Variants in ZNF404 observed in about 807,000 individuals in gnomAD.
ZNF404 encodes the protein zinc finger protein 404.
A neutral mutation model predicts 7.3 loss-of-function variants in ZNF404; 7 were observed. That is an observed-to-expected ratio of 0.95 (90% CI 0.54 to 1.79). ZNF404 has a LOEUF of 1.79. Ranked by LOEUF, ZNF404 falls within the 40% of genes most tolerant of loss-of-function variation. ZNF404 has a pLI of 0.00. For missense variants in ZNF404, 560 were observed against 661.5 expected (o/e 0.85, Z 1.68); for synonymous variants, 191 against 209.9 (o/e 0.91, Z 0.78).
chr19:43,875,387 C>T (rs1294869773), intron 2 of ZNF404, among the ~76,000 whole-genome samples: 2 of 152,068 alleles, frequency 1.3e-5, no homozygotes, highest in African/African-American at 2.4e-5. Flanking sequence ...TTCTTCAATG[C>T]CTTTCCCAAA....
chr19:43,882,275 A>C (rs1232646851), intron 1 of ZNF404, among the ~76,000 whole-genome samples: 1 of 152,238 alleles, frequency 6.6e-6, no homozygotes, highest in African/African-American at 2.4e-5. Context: ...TTTTAAAAAA[A>C]TGGTGTAGGA....
At chr19:43,876,268 T>G (rs1971849698) in intron 2 of ZNF404, among the ~76,000 whole-genome samples, 1 of 152,082 alleles carries the variant, frequency 6.6e-6, no homozygotes, top group South Asian at 2.1e-4. Flanking sequence ...GAGCTGAGAT[T>G]GCGCCACTGT....
At chr19:43,874,421 A>T (rs2146617652) in intron 2 of ZNF404, among the ~76,000 whole-genome samples, 1 of 150,484 alleles carries the variant, frequency 6.6e-6, no homozygotes, top group African/African-American at 2.4e-5. Context: ...TATGTCCTGA[A>T]TATCTCTATT....
chr19:43,880,218 A>G, intron 1 of ZNF404, 82 bp from the exon 2 acceptor site: 1 of 1,251,418 alleles, frequency 8.0e-7, no homozygotes, highest in South Asian at 1.4e-5. Context: ...TAAAGGGGCA[A>G]TATGTAAAAA....
At position 43,872,680 on chromosome 19, in the gene ZNF404, G is replaced by A. The variant is rs985503176; in HGVS notation, c.1534C>T (p.Gln512Ter). The change falls in exon 3 of 3, where the codon CAA (glutamine) becomes TAA (stop). Residue 512 changes from glutamine to a stop codon, truncating the protein, a stop_gained. Transcript: ENST00000587539. LOFTEE classifies it low-confidence loss of function (END_TRUNC). This position sits in a 1 kb window ranked among gnomAD's most constrained non-coding sequence, Gnocchi z 4.4. The part of the protein sequence containing the change: ...KAFNRSDRLT[Q>*]HETIHTGVKP... Reference sequence around the variant, plus strand: ...ACACCAGTATGAATTGTCTCATGTTGAGTAAGTCGATCACTGCGATTAAAG... The same window carrying A: ...ACACCAGTATGAATTGTCTCATGTTAAGTAAGTCGATCACTGCGATTAAAG... The A allele has an allele frequency of 1.9e-6, 3 of 1,613,234 alleles. No individual in the cohort carries two copies. Among genetic ancestry groups the A allele is most frequent in the African/African-American group, 2.7e-5 (2 of 75,010 alleles).
chr19:43,873,206 A>G lies in ZNF404; in HGVS notation c.1008T>C (p.Phe336=), dbSNP rs925044021. ...GTTTAAGAAGGCTTGAGCCCTTACCAAAAGCCTTTCCACATTCCATGCATT... is the reference window on the plus strand; with the variant it reads ...GTTTAAGAAGGCTTGAGCCCTTACCGAAAGCCTTTCCACATTCCATGCATT... ...PHECMECGKA[F]GKGSSLLKHK... Residue 336 remains phenylalanine, a synonymous_variant, in exon 3 of 3, where the codon TTT becomes TTC. Coordinates refer to ENST00000587539, the MANE Select transcript of ZNF404 (RefSeq NM_001033719.3). 3 of 1,612,440 alleles carry G rather than the reference A, an allele frequency of 1.9e-6. No homozygotes were observed. The African/African-American group carries it at 4.0e-5, about 22-fold the overall frequency.
At chr19:43,878,982 T>A (rs972047669) in intron 2 of ZNF404, among the ~76,000 whole-genome samples, 1 of 152,062 alleles carries the variant, frequency 6.6e-6, no homozygotes, top group African/African-American at 2.4e-5. Flanking sequence ...CAGCATACAA[T>A]CACAACTACT....
At chr19:43,876,644 C>A (rs1599746389) in intron 2 of ZNF404, among the ~76,000 whole-genome samples, 1 of 152,066 alleles carries the variant, frequency 6.6e-6, no homozygotes, top group African/African-American at 2.4e-5. Context: ...TACTGGCTGG[C>A]TTCTAGCAAA....
At chr19:43,881,673 G>C (rs1472235978) in intron 1 of ZNF404, 2 of 152,158 alleles carry the variant, frequency 1.3e-5, no homozygotes, top group Non-Finnish European at 2.9e-5. Flanking sequence ...AATCCCAGCA[G>C]AGGCCAGGTG....
rs1971818469 is a variant in ZNF404, at chr19:43,872,577, T to C, written c.1637A>G (p.His546Arg). 3.7e-6 allele frequency: 6 copies of C among 1,605,466 alleles called. No individual in the cohort carries two copies. The highest frequency in any genetic ancestry group is 1.7e-5 in the Admixed American group (1 of 58,668). Residue 546 changes from histidine (H) to arginine (R), a missense_variant, in exon 3 of 3, where the codon CAT becomes CGT. Physicochemically the swap from His to Arg is conservative, Grantham distance 29. Transcript: ENST00000587539. This position sits in a 1 kb window ranked among gnomAD's most constrained non-coding sequence, Gnocchi z 4.4. ...YQLSQHQRFH[H>R]GERLLM ...TCATTACATTAAGAGTCTCTCACCA[T>C]GGTGAAATCTTTGATGTTGACTAAG...
chr19:43,873,084 T>G lies in ZNF404; in HGVS notation c.1130A>C (p.His377Pro). 6.2e-7 allele frequency: 1 copy of G among 1,613,064 alleles called. No individual in the cohort carries two copies. Among genetic ancestry groups the G allele is most frequent in the Non-Finnish European group, 8.5e-7 (1 of 1,179,446 alleles). The change falls in exon 3 of 3, where the codon CAT becomes CCT. Residue 377 changes from histidine to proline, a missense_variant. Coordinates refer to ENST00000587539, the MANE Select transcript of ZNF404 (RefSeq NM_001033719.3). ...ACATTCATGTGGCTTCTCACCAGTATGAATTCTCTGATGCTGTGTAAGTTG... is the reference window on the plus strand; with the variant it reads ...ACATTCATGTGGCTTCTCACCAGTAGGAATTCTCTGATGCTGTGTAAGTTG... ...GSQLTQHQRI[H>P]TGEKPHECKE...
chr19:43,879,852 C>T (rs1031290508), intron 2 of ZNF404, among the ~76,000 whole-genome samples, 158 bp downstream of exon 2: 4 of 152,078 alleles, frequency 2.6e-5, no homozygotes, highest in African/African-American at 9.7e-5. Flanking sequence ...GCCCATTCCA[C>T]CTAACAAACT....
intron 1 of ZNF404, 85 bp downstream of exon 1, chr19:43,883,868 TAGG>T: frequency 7.2e-7 from 1 of 1,393,560 alleles, no homozygotes; most frequent in Non-Finnish European, 1.0e-6. Context: ...CTTTCTGAGA[TAGG>T]AGGTTTCAGG....
chr19:43,880,254 T>C (rs1971885831), intron 1 of ZNF404, 118 bp from the exon 2 acceptor site: 2 of 850,746 alleles, frequency 2.4e-6, no homozygotes, highest in Admixed American at 5.5e-5. Flanking sequence ...TACAAGATGA[T>C]GACATGGTTA....
At chr19:43,879,773 A>G (rs1290444299) in intron 2 of ZNF404, among the ~76,000 whole-genome samples, 1 of 152,214 alleles carries the variant, frequency 6.6e-6, no homozygotes, top group African/African-American at 2.4e-5. Flanking sequence ...AGAAGTAATT[A>G]TAGGACAGGG....
rs1187805110 is a variant in ZNF404 at position 43,872,527 on chromosome 19, G to C, written c.*28C>G. 6.6e-7 allele frequency: 1 copy of C among 1,513,446 alleles called. No homozygotes were observed. Among genetic ancestry groups the C allele is most frequent in the Non-Finnish European group, 8.9e-7 (1 of 1,128,264 alleles). 93.8% of individuals were successfully genotyped at this position (1,513,446 alleles called of 1,614,324 possible). On this transcript the variant is annotated 3_prime_UTR_variant, in exon 3 of 3. Coordinates refer to ENST00000587539, the MANE Select transcript of ZNF404 (RefSeq NM_001033719.3). The surrounding 1 kb of genome is among the most constrained non-coding windows in gnomAD (Gnocchi z 4.4). ...TCATAATAGTGACAACAGTAAAAAT[G>C]TGCCATGGCTAAAGGCTTTCCCTCT...
Position 43,872,990 on chromosome 19 carries a change from C to T in ZNF404, c.1224G>A (p.Leu408=). 1 of 1,602,934 alleles carries T rather than the reference C, an allele frequency of 6.2e-7. No individual in the cohort carries two copies. The highest frequency in any genetic ancestry group is 8.5e-7 in the Non-Finnish European group (1 of 1,173,674). ...CACATTGCTTACATTCATATGGCTT[C>T]AAATCAGTATGAATTATCTGATGTT... ...LIQHQIIHTD[L]KPYECKQCGK... Residue 408 remains leucine, a synonymous_variant, in exon 3 of 3, where the codon TTG becomes TTA. Coordinates refer to ENST00000587539, the MANE Select transcript of ZNF404 (RefSeq NM_001033719.3). The surrounding 1 kb of genome is among the most constrained non-coding windows in gnomAD (Gnocchi z 4.4).
At chr19:43,875,745 GA>G (rs1331056210) in intron 2 of ZNF404, among the ~76,000 whole-genome samples, 1 of 152,122 alleles carries the variant, frequency 6.6e-6, no homozygotes, top group Non-Finnish European at 1.5e-5. Flanking sequence ...AAATAATACA[GA>G]TGTTATCCTC....
Position 43,874,087 on chromosome 19 carries a change from A to G in ZNF404, c.137-10T>C. 6.6e-7 allele frequency: 1 copy of G among 1,524,450 alleles called. No individual in the cohort carries two copies. The highest frequency in any genetic ancestry group is 1.3e-5 in the South Asian group (1 of 78,074). The allele number at this position is 1,524,450 out of a possible 1,614,324, so 94.4% of individuals were successfully genotyped here. Reference sequence around the variant, plus strand: ...GTTGTGAAATTAAAGTCTGGAAGAAAATGAAAAAACAAACAAATGCTATTT... The same window carrying G: ...GTTGTGAAATTAAAGTCTGGAAGAAGATGAAAAAACAAACAAATGCTATTT... On this transcript the variant is annotated splice_polypyrimidine_tract_variant and intron_variant, in intron 2 of 2. Transcript: ENST00000587539.
Sources: allele counts gnomAD v4.1 joint callset (sites outside exome capture counted in the v4.1 genomes callset), GRCh38; gene constraint gnomAD v4.1.1; non-coding constraint Gnocchi (gnomAD v3.1); transcripts MANE v1.5; gene names NCBI Gene and HGNC (gene_info 2026-07-23, HGNC 2026-07-21).